The following MIX23 variants were observed in gnomAD, a reference collection of about 807,000 sequenced individuals.
The protein encoded by MIX23 is protein MIX23.
In MIX23, 13 loss-of-function variants were observed where a neutral mutation model predicts 21.6. That is an observed-to-expected ratio of 0.60 (90% confidence interval 0.39 to 0.96). The LOEUF (loss-of-function observed/expected upper bound fraction) is 0.96, where lower values mean the gene tolerates loss of function less well. Ranked by LOEUF, MIX23 falls within the 40% of genes least tolerant of loss-of-function variation. The probability of loss-of-function intolerance (pLI) is 0.00; values close to 1 mark genes in which losing one functional copy is unlikely to be tolerated. For synonymous variants in MIX23, 59 were observed against 58.0 expected (o/e 1.02, Z -0.08); for missense variants, 144 against 171.2 (o/e 0.84, Z 0.89).
intron 4 of MIX23, among the ~76,000 whole-genome samples, chr3:122,362,531 G>C (rs1486145269): frequency 6.6e-6 from 1 of 151,842 alleles, no homozygotes. Context: ...GCCCAGGCTG[G>C]AGTGCAATGG....
At position 122,359,913 on chromosome 3, in the gene MIX23, T is replaced by A; in HGVS notation, c.391A>T (p.Asn131Tyr). The A allele has an allele frequency of 6.3e-7, 1 of 1,583,262 alleles. No individual in the cohort carries two copies. The highest frequency in any genetic ancestry group is 8.5e-7 in the Non-Finnish European group (1 of 1,169,608). Residue 131 changes from asparagine to tyrosine, a missense_variant, in exon 5 of 5, where the codon AAT becomes TAT. Physicochemically the swap from Asn to Tyr is moderately radical, Grantham distance 143. Coordinates refer to ENST00000291458, the MANE Select transcript of MIX23 (RefSeq NM_001017928.4). ...TTGAAGTGAATTCGGCAGCGTTCAT[T>A]AAACACCTAAAATATTGAAACAGAA... ...VVNDRSWKVF[N>Y]ERCRIHFKPP... is the part of the protein sequence containing the mutation.
At chr3:122,371,248 T>C (rs1028074373) in intron 2 of MIX23, among the ~76,000 whole-genome samples, 1 of 152,248 alleles carries the variant, frequency 6.6e-6, no homozygotes, top group African/African-American at 2.4e-5. Flanking sequence ...TCTATTCCCC[T>C]TCCTGAGGAG....
At chr3:122,365,789 A>T (rs2075392359) in intron 3 of MIX23, among the ~76,000 whole-genome samples, 1 of 152,230 alleles carries the variant, frequency 6.6e-6, no homozygotes, top group Non-Finnish European at 1.5e-5. Flanking sequence ...CCAATTTAAC[A>T]GCCTTTGCCC....
chr3:122,359,989 AT>A, intron 4 of MIX23, 70 bp from the exon 5 acceptor site: 2 of 1,406,664 alleles, frequency 1.4e-6, no homozygotes, highest in South Asian at 1.3e-5. Context: ...ACTAAATTCA[AT>A]TTAGTAGGCT....
chr3:122,363,188 T>C (rs1471335516), intron 3 of MIX23, among the ~76,000 whole-genome samples, 161 bp from the exon 4 acceptor site: 2 of 152,226 alleles, frequency 1.3e-5, no homozygotes, highest in African/African-American at 2.4e-5. Flanking sequence ...GGAAGCTTCT[T>C]TGACACAATC....
At chr3:122,376,221 T>C (rs1357673795) in intron 1 of MIX23, among the ~76,000 whole-genome samples, 3 of 143,534 alleles carry the variant, frequency 2.1e-5, no homozygotes, top group Admixed American at 2.1e-4. Flanking sequence ...ATCACAGCAC[T>C]ATTCACAGCA....
chr3:122,369,598 T>C (rs1187792517), intron 2 of MIX23, among the ~76,000 whole-genome samples: 2 of 152,326 alleles, frequency 1.3e-5, no homozygotes, highest in South Asian at 2.1e-4. Flanking sequence ...TTCCAGGATA[T>C]AGATACAGAG....
Position 122,359,830 on chromosome 3 carries a change from TAAAAAAAAAAAAAAA to T in MIX23, c.*24_*38del, listed in dbSNP as rs527562300. ...AGCTCTTATGAGATGACCCAGTCCT[TAAAAAAAAAAAAAAA>T]AAAAAAAAAAAAAGAATCTCTCTTT... On this transcript the variant is annotated 3_prime_UTR_variant, in exon 5 of 5. Transcript: ENST00000291458. The T allele has an allele frequency of 6.2e-4, 621 of 1,007,784 alleles. 4 individuals carry two copies. In the African/African-American group the frequency reaches 0.017, roughly 27 times the overall value. The allele number at this position is 1,007,784 out of a possible 1,614,324, so 62.4% of individuals were successfully genotyped here. A position where few individuals can be genotyped will look rare whatever the true frequency, so the allele number is the denominator to read the frequency against.
At chr3:122,380,152 AT>A (rs781056707) in intron 1 of MIX23, among the ~76,000 whole-genome samples, 2 of 152,196 alleles carry the variant, frequency 1.3e-5, no homozygotes, top group Non-Finnish European at 2.9e-5. Context: ...GAAAGGGGCC[AT>A]TATATAACTA....
chr3:122,364,728 A>G (rs1355215079), intron 3 of MIX23, among the ~76,000 whole-genome samples: 1 of 152,166 alleles, frequency 6.6e-6, no homozygotes. Context: ...TGGTGATATG[A>G]CAAAGAAGAT....
At chr3:122,375,606 T>C (rs2075479954) in intron 1 of MIX23, among the ~76,000 whole-genome samples, 1 of 152,182 alleles carries the variant, frequency 6.6e-6, no homozygotes, top group Non-Finnish European at 1.5e-5. Context: ...AGTTGGGGGA[T>C]GGGTACATGA....
chr3:122,374,742 T>C (rs1365436385), intron 1 of MIX23, among the ~76,000 whole-genome samples: 1 of 152,178 alleles, frequency 6.6e-6, no homozygotes, highest in Non-Finnish European at 1.5e-5. Flanking sequence ...AGGTCCTTGC[T>C]CTTACAGAGC....
Position 122,368,902 on chromosome 3 carries a change from T to C in MIX23, c.178-580A>G, listed in dbSNP as rs148067739. On this transcript the variant is annotated intron_variant, in intron 2 of 4. Transcript: ENST00000291458. ...AATATAAGTATTGATAAGGAAAACT[T>C]ATATATGAAGCACAGATTAGTGGTT... Among the ~76,000 whole-genome samples the C allele has an allele frequency of 3.9e-4, 59 of 152,308 alleles. 1 individual carries two copies. The East Asian group carries it at 0.011, about 28-fold the overall frequency.
At chr3:122,377,783 G>A (rs1009375242) in intron 1 of MIX23, among the ~76,000 whole-genome samples, 3 of 152,174 alleles carry the variant, frequency 2.0e-5, no homozygotes, top group African/African-American at 7.2e-5. Flanking sequence ...AGGAGTTCAA[G>A]GTTACGGTTA....
At chr3:122,380,631 CAA>C (rs2075523770) in intron 1 of MIX23, among the ~76,000 whole-genome samples, 2 of 152,066 alleles carry the variant, frequency 1.3e-5, no homozygotes, top group African/African-American at 4.8e-5. Context: ...AGAGACATGA[CAA>C]GAGGCACTTT....
intron 4 of MIX23, among the ~76,000 whole-genome samples, chr3:122,361,400 C>T (rs143829308): frequency 6.6e-6 from 1 of 152,110 alleles, no homozygotes; most frequent in Non-Finnish European, 1.5e-5. Context: ...CCTTGACACA[C>T]TGGTTGGGGT....
intron 4 of MIX23, among the ~76,000 whole-genome samples, chr3:122,360,708 T>A (rs2075352081): frequency 6.6e-6 from 1 of 152,026 alleles, no homozygotes; most frequent in South Asian, 2.1e-4. Flanking sequence ...CCCCCATACA[T>A]CATTAATGTA....
At chr3:122,370,456 C>CAAA (rs10660235) in intron 2 of MIX23, among the ~76,000 whole-genome samples, 7,154 of 48,098 alleles carry the variant, frequency 0.15, 1,284 homozygotes, top group East Asian at 0.33. Flanking sequence ...GACACTGTCT[C>CAAA]AAAAAAAAAA....
At chr3:122,364,753 T>C (rs1027210055) in intron 3 of MIX23, among the ~76,000 whole-genome samples, 1 of 152,298 alleles carries the variant, frequency 6.6e-6, no homozygotes, top group South Asian at 2.1e-4. Context: ...GCAACAAATA[T>C]GGAGTCCCAG....
Sources: gnomAD v4.1 joint callset for allele counts (sites outside exome capture counted in the v4.1 genomes callset) on GRCh38, gnomAD v4.1.1 for gene constraint, MANE v1.5 for transcripts, NCBI Gene and HGNC (gene_info 2026-07-23, HGNC 2026-07-21) for gene names.